The following NPC1L1 variants were observed in gnomAD, a reference collection of about 807,000 sequenced individuals.
The protein encoded by NPC1L1 is NPC1 like intracellular cholesterol transporter 1, also known as NPC1-like intracellular cholesterol transporter 1.
A neutral mutation model predicts 117.0 loss-of-function variants in NPC1L1; 98 were observed. The observed-to-expected ratio is 0.84, with a 90% CI of 0.71 to 0.99. The LOEUF (loss-of-function observed/expected upper bound fraction) is 0.99, where lower values mean the gene tolerates loss of function less well. Among genes scored for constraint, NPC1L1 ranks in the 50% least tolerant of loss-of-function variants. The pLI is 0.00. For missense variants in NPC1L1, 1,540 were observed against 1,710.0 expected (o/e 0.90, Z 1.75); for synonymous variants, 729 against 727.6 (o/e 1.00, Z -0.03).
At chr7:44,524,629 C>T (rs1468873628) in intron 10 of NPC1L1, among the ~76,000 whole-genome samples, 3 of 152,040 alleles carry the variant, frequency 2.0e-5, no homozygotes, top group Non-Finnish European at 2.9e-5. Flanking sequence ...GTGGCAGGCA[C>T]CTGTAATCCC....
rs754057092 is a variant in NPC1L1 at position 44,536,367 on chromosome 7, G to T, written c.1743C>A (p.Ala581=). The change falls in exon 4 of 19, where the codon GCC becomes GCA. Residue 581 remains alanine, a synonymous_variant. Transcript: ENST00000381160. This position sits in a 1 kb window ranked among gnomAD's most constrained non-coding sequence, Gnocchi z 4.7. Reference sequence around the variant, plus strand: ...TGGCCTGGGCCAGACGGGGGTCCCCGGCAGGGTAATTGTTGAGGGAGAACG... The same window carrying T: ...TGGCCTGGGCCAGACGGGGGTCCCCTGCAGGGTAATTGTTGAGGGAGAACG... ...IMTFSLNNYP[A]GDPRLAQAKL... The T allele has an allele frequency of 2.5e-6, 4 of 1,614,082 alleles. No individual in the cohort carries two copies. Among genetic ancestry groups the T allele is most frequent in the Non-Finnish European group, 3.4e-6 (4 of 1,180,048 alleles).
At chr7:44,532,029 C>A in intron 9 of NPC1L1, 51 bp downstream of exon 9, 1 of 1,613,408 alleles carries the variant, frequency 6.2e-7, no homozygotes, top group Non-Finnish European at 8.5e-7. Context: ...CTCCCTGAGG[C>A]GAGGTCCCCA....
Position 44,516,797 on chromosome 7 carries a change from A to G in NPC1L1, c.3425T>C (p.Leu1142Pro). 6.2e-7 allele frequency: 1 copy of G among 1,614,140 alleles called. No homozygotes were observed. Among genetic ancestry groups the G allele is most frequent in the South Asian group, 1.1e-5 (1 of 91,062 alleles). The change falls in exon 16 of 19, where the codon CTG (leucine) becomes CCG (proline). Residue 1142 changes from leucine to proline, a missense_variant. Around this residue, in one of 3 missense-constraint regions of NPC1L1, gnomAD observed 742 missense variants for 873.6 expected, o/e 0.85. Coordinates refer to ENST00000381160, the MANE Select transcript of NPC1L1 (RefSeq NM_001101648.2). ...CACGAGGATCATGACAATGGAGAGC[A>G]GGTTGAGGAGGCCGGAGCGCAGGTC... is the stretch of plus-strand genomic sequence containing the variant. ...GLDLRSGLLN[L>P]LSIVMILVDT...
At position 44,534,810 on chromosome 7, in the gene NPC1L1, C is replaced by T. The variant is rs74650678; in HGVS notation, c.1984-181G>A. On this transcript the variant is annotated intron_variant, in intron 5 of 18. Coordinates refer to ENST00000381160, the MANE Select transcript of NPC1L1 (RefSeq NM_001101648.2). This position sits in a 1 kb window ranked among gnomAD's most constrained non-coding sequence, Gnocchi z 5.2. ...AAAGCCCCTCTGCAGAGCCATCCTC[C>T]CAAGGGGAGGTCCAGGAAACCCAAA... Among the ~76,000 whole-genome samples, 926 of 152,312 alleles carry T rather than the reference C, an allele frequency of 6.1e-3. 9 individuals carry two copies. The highest frequency in any genetic ancestry group is 0.02 in the African/African-American group (836 of 41,568).
chr7:44,521,502 C>A (rs1258669883), intron 12 of NPC1L1, among the ~76,000 whole-genome samples: 1 of 152,206 alleles, frequency 6.6e-6, no homozygotes, highest in East Asian at 1.9e-4. Context: ...CAGCAGTATA[C>A]ATGTGTGATG....
chr7:44,516,044 G>T, intron 17 of NPC1L1, 40 bp downstream of exon 17: 1 of 1,606,654 alleles, frequency 6.2e-7, no homozygotes, highest in Non-Finnish European at 8.5e-7. Context: ...GGCACAGGGT[G>T]TCGAGTGGGG....
At chr7:44,532,532 C>T (rs1345958617) in intron 8 of NPC1L1, among the ~76,000 whole-genome samples, 1 of 152,202 alleles carries the variant, frequency 6.6e-6, no homozygotes, top group Admixed American at 6.5e-5. Flanking sequence ...GCCCCTGAAA[C>T]AGCAAGATCA....
intron 14 of NPC1L1, among the ~76,000 whole-genome samples, chr7:44,517,841 T>C (rs1039261008): frequency 1.3e-5 from 2 of 152,072 alleles, no homozygotes; most frequent in African/African-American, 4.8e-5. Flanking sequence ...ATTGGCCGGG[T>C]GTGGTGGCTC....
At chr7:44,535,733 C>T (rs1801863147) in intron 5 of NPC1L1, 107 bp downstream of exon 5, 1 of 1,512,940 alleles carries the variant, frequency 6.6e-7, no homozygotes, top group South Asian at 1.1e-5. Flanking sequence ...TGGGTGTGTC[C>T]ACTTTGCTGT....
chr7:44,517,534 TG>T (rs1801229595), intron 14 of NPC1L1, among the ~76,000 whole-genome samples, 177 bp from the exon 15 acceptor site: 1 of 152,198 alleles, frequency 6.6e-6, no homozygotes, highest in Non-Finnish European at 1.5e-5. Context: ...ATTTTTGTTT[TG>T]CACCAGCCCT....
In NPC1L1 at chr7:44,539,363, C is replaced by G. The variant is rs1802007222; in HGVS notation, c.1034G>C (p.Gly345Ala). The G allele has an allele frequency of 6.2e-7, 1 of 1,613,468 alleles. No homozygotes were observed. Among genetic ancestry groups the G allele is most frequent in the East Asian group, 2.2e-5 (1 of 44,852 alleles). ...CAGAGGCCACGAAGCCACCCACGTG[C>G]CCCAGCCCTGGAAGAACTGGCCAAG... ...TLLGQFFQGW[G>A]TWVASWPLTI... Residue 345 changes from glycine (G) to alanine (A), a missense_variant, in exon 2 of 19, where the codon GGC (glycine) becomes GCC (alanine). Physicochemically the swap from Gly to Ala is moderately conservative, Grantham distance 60 (BLOSUM62 0). Coordinates refer to ENST00000381160, the MANE Select transcript of NPC1L1 (RefSeq NM_001101648.2). This position sits in a 1 kb window ranked among gnomAD's most constrained non-coding sequence, Gnocchi z 4.4.
At chr7:44,535,727 T>G (rs1801862755) in intron 5 of NPC1L1, 113 bp downstream of exon 5, 1 of 1,457,366 alleles carries the variant, frequency 6.9e-7, no homozygotes, top group Non-Finnish European at 9.5e-7. Flanking sequence ...GCCACTTGGG[T>G]GTGTCCACTT....
intron 10 of NPC1L1, 88 bp downstream of exon 10, chr7:44,531,667 C>G (rs914637457): frequency 1.7e-6 from 2 of 1,198,238 alleles, no homozygotes; most frequent in Non-Finnish European, 2.4e-6. Flanking sequence ...AGCCCCTGGC[C>G]GGAGGACCCC....
rs765935944 is a variant in NPC1L1, at chr7:44,539,763, C to T, written c.634G>A (p.Gly212Ser). 1 of 1,614,190 alleles carries T rather than the reference C, an allele frequency of 6.2e-7. No homozygotes were observed. The highest frequency in any genetic ancestry group is 1.1e-5 in the South Asian group (1 of 91,090). Residue 212 changes from glycine (G) to serine (S), a missense_variant, in exon 2 of 19, where the codon GGT (glycine) becomes AGT (serine). By Grantham distance (56) the Gly-to-Ser change is moderately conservative. Around this residue, in one of 3 missense-constraint regions of NPC1L1, gnomAD observed 793 missense variants for 820.4 expected, o/e 0.97. Coordinates refer to ENST00000381160, the MANE Select transcript of NPC1L1 (RefSeq NM_001101648.2). This position sits in a 1 kb window ranked among gnomAD's most constrained non-coding sequence, Gnocchi z 4.4. ...AAGGTGATGTCCAGTGGGGCCAGAC[C>T]ATTGCCTGTGTCTCCCTGGAAGTTG... Reference protein sequence around the residue: ...WLNFQGDTGNGLAPLDITFHL... With the variant: ...WLNFQGDTGNSLAPLDITFHL...
chr7:44,535,991 C>A, intron 4 of NPC1L1, 23 bp from the exon 5 acceptor site: 1 of 1,612,474 alleles, frequency 6.2e-7, no homozygotes, highest in Non-Finnish European at 8.5e-7. Context: ...ACCCGACCAG[C>A]CCCCACTGAC....
rs545686241 is a variant in NPC1L1 at position 44,517,049 on chromosome 7, C to G, written c.3288-115G>C. 16 of 1,440,450 alleles carry G rather than the reference C, an allele frequency of 1.1e-5. No individual in the cohort carries two copies. The East Asian group carries it at 3.4e-4, about 31-fold the overall frequency. The allele number at this position is 1,440,450 out of a possible 1,614,324, so 89.2% of individuals were successfully genotyped here. On this transcript the variant is annotated intron_variant, in intron 15 of 18. Transcript: ENST00000381160. The stretch of plus-strand genomic sequence containing the variant: ...GGTCAGGCAGGCTTATATTGGGGTA[C>G]AAACCAGCCTAAGAAATAGGCCCAA...
At chr7:44,537,917 C>T (rs1801950298) in intron 2 of NPC1L1, among the ~76,000 whole-genome samples, 1 of 152,092 alleles carries the variant, frequency 6.6e-6, no homozygotes, top group African/African-American at 2.4e-5. Context: ...GCAGCCCAAA[C>T]TTGGGGCCCA....
chr7:44,541,063 C>T, intron 1 of NPC1L1, 143 bp downstream of exon 1: 1 of 840,476 alleles, frequency 1.2e-6, no homozygotes, highest in South Asian at 1.6e-5. Context: ...GCCTGGCATC[C>T]CTCATGTGTC....
chr7:44,527,556 T>C (rs1256111746), intron 10 of NPC1L1, among the ~76,000 whole-genome samples: 1 of 150,782 alleles, frequency 6.6e-6, no homozygotes, highest in Non-Finnish European at 1.5e-5. Context: ...GGCTTACACC[T>C]GTAATCCCAG....
Sources: gnomAD v4.1 joint callset for allele counts (sites outside exome capture counted in the v4.1 genomes callset) on GRCh38, gnomAD v4.1.1 for gene constraint, gnomAD v4.1.1 regional missense constraint, Gnocchi (gnomAD v3.1) non-coding constraint, MANE v1.5 for transcripts, NCBI Gene and HGNC (gene_info 2026-07-23, HGNC 2026-07-21) for gene names.